Variants in NOL4 observed in about 807,000 individuals in gnomAD.
NOL4 encodes the protein nucleolar protein 4.
In NOL4, 17 loss-of-function variants were observed where a neutral mutation model predicts 75.9. The ratio of observed to expected loss-of-function variants is 0.22; its 90% CI spans 0.15 to 0.34. The LOEUF is 0.34. Among genes scored for constraint, NOL4 ranks in the 10% least tolerant of loss-of-function variants. NOL4 has a pLI of 1.00. For synonymous variants in NOL4, 292 were observed against 289.9 expected (o/e 1.01, Z -0.07); for missense variants, 614 against 793.5 (o/e 0.77, Z 2.72).
chr18:34,005,610 C>T (rs368039399), intron 6 of NOL4, among the ~76,000 whole-genome samples: 4 of 152,062 alleles, frequency 2.6e-5, no homozygotes, highest in Admixed American at 6.6e-5. Flanking sequence ...ATGGCTCTTA[C>T]GCCTGTCCTC....
rs185270926 is a variant in NOL4 at position 33,950,040 on chromosome 18, A to G, written c.1429-6862T>C. On this transcript the variant is annotated intron_variant, in intron 8 of 10. Transcript: ENST00000261592. ...ATATATTCTGAAAGTTGAGTGTTATATAAACTTACAATTATTGTACATTAT... is the reference window on the plus strand; with the variant it reads ...ATATATTCTGAAAGTTGAGTGTTATGTAAACTTACAATTATTGTACATTAT... Among the ~76,000 whole-genome samples, 21 of 151,974 alleles carry G rather than the reference A, an allele frequency of 1.4e-4. No individual in the cohort carries two copies. In the East Asian group the frequency reaches 3.9e-3, roughly 28 times the overall value.
At chr18:33,921,096 C>A (rs2067010401) in intron 9 of NOL4, among the ~76,000 whole-genome samples, 1 of 152,112 alleles carries the variant, frequency 6.6e-6, no homozygotes, top group African/African-American at 2.4e-5. Flanking sequence ...ATGGAAATGT[C>A]CATCCTATGT....
At chr18:34,013,361 T>C (rs1055614503) in intron 6 of NOL4, among the ~76,000 whole-genome samples, 2 of 151,882 alleles carry the variant, frequency 1.3e-5, no homozygotes, top group African/African-American at 4.8e-5. Context: ...GACTTCTCCC[T>C]TCTTATGCCA....
intron 6 of NOL4, among the ~76,000 whole-genome samples, chr18:33,974,594 T>C (rs2071346561): frequency 6.6e-6 from 1 of 152,128 alleles, no homozygotes; most frequent in Admixed American, 6.6e-5. Context: ...ACACTGAAGA[T>C]CACTGATCAT....
chr18:33,911,723 C>T (rs1315849101), intron 9 of NOL4, among the ~76,000 whole-genome samples: 3 of 152,220 alleles, frequency 2.0e-5, no homozygotes, highest in East Asian at 1.9e-4. Context: ...CTGGCTTCTT[C>T]GTTTCTGGGG....
Position 33,957,466 on chromosome 18 carries a change from A to C in NOL4, c.1288T>G (p.Ser430Ala), listed in dbSNP as rs750057779. ...DENLDRMVPI[S>A]KQPKEKIQAI... ...TGGATCTTTTCTTTGGGCTGCTTAG[A>C]GATTGGGACCATTCGGTCCAAGTTT... The change falls in exon 8 of 11, where the codon TCT (serine) becomes GCT (alanine). Residue 430 changes from serine (S) to alanine (A), a missense_variant. Transcript: ENST00000261592. 8.7e-6 allele frequency: 14 copies of C among 1,613,500 alleles called. No homozygotes were observed. Among genetic ancestry groups the C allele is most frequent in the Non-Finnish European group, 8.5e-7 (1 of 1,179,768 alleles).
chr18:33,910,964 C>T (rs1331658880), intron 9 of NOL4, among the ~76,000 whole-genome samples: 2 of 152,152 alleles, frequency 1.3e-5, no homozygotes, highest in Admixed American at 1.3e-4. Flanking sequence ...AGGCCTGCCA[C>T]ACAGCATCAT....
chr18:33,928,436 G>A (rs987131471), intron 9 of NOL4, among the ~76,000 whole-genome samples: 3 of 151,958 alleles, frequency 2.0e-5, no homozygotes, highest in Non-Finnish European at 4.4e-5. Flanking sequence ...AATGAGTAAT[G>A]GAAAGAAAAA....
chr18:34,093,537 C>G lies in NOL4; in HGVS notation c.700G>C (p.Val234Leu). Residue 234 changes from valine (V) to leucine (L), a missense_variant, in exon 5 of 11, where the codon GTG (valine) becomes CTG (leucine). Transcript: ENST00000261592. ...AGATTGGAGCTAAGATCAGAGTTCA[C>G]AGCTGACATCCGTGTTGAATCACTC... ...DMSDSTRMSA[V>L]NSDLSSNLEE... 6.2e-7 allele frequency: 1 copy of G among 1,609,196 alleles called. No homozygotes were observed. Among genetic ancestry groups the G allele is most frequent in the Non-Finnish European group, 8.5e-7 (1 of 1,176,818 alleles).
At chr18:33,895,623 C>A (rs2065350445) in intron 9 of NOL4, among the ~76,000 whole-genome samples, 1 of 151,912 alleles carries the variant, frequency 6.6e-6, no homozygotes, top group South Asian at 2.1e-4. Flanking sequence ...AAAATGGTGT[C>A]TTTAACATTA....
intron 2 of NOL4, among the ~76,000 whole-genome samples, chr18:34,109,645 A>T (rs1048354895): frequency 6.6e-6 from 1 of 152,050 alleles, no homozygotes; most frequent in African/African-American, 2.4e-5. Context: ...CAAAGTTAAC[A>T]GAAGGAAATA....
intron 1 of NOL4, among the ~76,000 whole-genome samples, chr18:34,186,916 GAAAGT>G (rs2034503758): frequency 6.6e-6 from 1 of 152,140 alleles, no homozygotes; most frequent in Admixed American, 6.5e-5. Context: ...AAACTGGACA[GAAAGT>G]AAAGAGATTT....
intron 9 of NOL4, among the ~76,000 whole-genome samples, chr18:33,918,214 T>C (rs1465752505): frequency 6.6e-6 from 1 of 152,140 alleles, no homozygotes; most frequent in Non-Finnish European, 1.5e-5. Context: ...ATCTGCTCAA[T>C]TGTTCCCCTT....
intron 6 of NOL4, among the ~76,000 whole-genome samples, chr18:33,998,374 T>C (rs1600198983): frequency 6.6e-6 from 1 of 152,088 alleles, no homozygotes; most frequent in South Asian, 2.1e-4. Context: ...ACCTCTTTTT[T>C]ATCTATATGA....
At chr18:33,881,098 T>C (rs2064239336) in intron 10 of NOL4, among the ~76,000 whole-genome samples, 1 of 151,920 alleles carries the variant, frequency 6.6e-6, no homozygotes, top group South Asian at 2.1e-4. Flanking sequence ...GTAAGTTGGA[T>C]TCCTAGGTAT....
In NOL4 at chr18:34,117,027, G is replaced by A. The variant is rs950799185; in HGVS notation, c.415-11867C>T. 5.9e-5 allele frequency among the ~76,000 whole-genome samples: 9 copies of A among 152,248 alleles called. No homozygotes were observed. In the South Asian group the frequency reaches 6.2e-4, roughly 10 times the overall value. ...TGCAATCCTCAAAATTAAGATTCTC[G>A]TTAATTACATGACAATTACTAGTTT... On this transcript the variant is annotated intron_variant, in intron 2 of 10. Transcript: ENST00000261592.
chr18:34,212,034 C>G (rs768403274), intron 1 of NOL4, among the ~76,000 whole-genome samples: 5 of 151,850 alleles, frequency 3.3e-5, no homozygotes, highest in Admixed American at 6.6e-5. Flanking sequence ...TTCAAAAATC[C>G]TTTAATGTAA....
chr18:34,035,495 G>A (rs2075847050), intron 5 of NOL4, among the ~76,000 whole-genome samples: 1 of 151,772 alleles, frequency 6.6e-6, no homozygotes, highest in Admixed American at 6.6e-5. Flanking sequence ...AGCAATAAAT[G>A]CCTACATTTA....
At chr18:33,889,363 T>C (rs1473061077) in intron 9 of NOL4, among the ~76,000 whole-genome samples, 7 of 152,022 alleles carry the variant, frequency 4.6e-5, no homozygotes, top group Non-Finnish European at 1.0e-4. Flanking sequence ...GGTTCTGAAA[T>C]TGAGGCAATA....
Sources: allele counts gnomAD v4.1 joint callset (sites outside exome capture counted in the v4.1 genomes callset), GRCh38; gene constraint gnomAD v4.1.1; transcripts MANE v1.5; gene names NCBI Gene and HGNC (gene_info 2026-07-23, HGNC 2026-07-21).